The following NUP54 variants were observed in gnomAD, a reference collection of about 807,000 sequenced individuals.
NUP54 encodes nucleoporin 54.
A neutral mutation model predicts 66.4 loss-of-function variants in NUP54; 27 were observed. The ratio of observed to expected loss-of-function variants is 0.41; its 90% CI spans 0.30 to 0.56. The LOEUF (loss-of-function observed/expected upper bound fraction) is 0.56, where lower values mean the gene tolerates loss of function less well. Among genes scored for constraint, NUP54 ranks in the 20% least tolerant of loss-of-function variants. The pLI is 0.34. For missense variants in NUP54, 486 were observed against 596.3 expected (o/e 0.82, Z 1.93); for synonymous variants, 206 against 210.7 (o/e 0.98, Z 0.19).
intron 4 of NUP54, among the ~76,000 whole-genome samples, chr4:76,134,704 CAACT>C (rs1359262504): frequency 2.0e-5 from 3 of 147,902 alleles, no homozygotes; most frequent in Non-Finnish European, 3.0e-5. Context: ...CAAAAATCAC[CAACT>C]AATTATAATT....
At chr4:76,147,642 T>C (rs889737564) in intron 1 of NUP54, 2 of 1,288,076 alleles carry the variant, frequency 1.6e-6, no homozygotes, top group Non-Finnish European at 2.0e-6. Context: ...CACCAAATCC[T>C]GATAGGCGTG....
intron 1 of NUP54, 69 bp from the exon 2 acceptor site, chr4:76,144,542 ATTATT>A (rs1487761312): frequency 5.4e-6 from 6 of 1,101,924 alleles, no homozygotes; most frequent in African/African-American, 1.6e-5. Flanking sequence ...TCTTTTTAAA[ATTATT>A]TTATAATTGC....
At chr4:76,136,124 T>C (rs1257181484) in intron 4 of NUP54, 62 bp downstream of exon 4, 18 of 1,100,732 alleles carry the variant, frequency 1.6e-5, no homozygotes, top group Admixed American at 1.1e-4. Context: ...TTGATATTAA[T>C]CTAAATATAT....
At chr4:76,146,003 T>G (rs1731483463) in intron 1 of NUP54, 1 of 368,578 alleles carries the variant, frequency 2.7e-6, no homozygotes, top group African/African-American at 2.1e-5. Flanking sequence ...ACTGTTGTAA[T>G]TTCTTTTCAT....
intron 9 of NUP54, among the ~76,000 whole-genome samples, chr4:76,122,568 A>G (rs999716120): frequency 1.3e-5 from 2 of 152,246 alleles, no homozygotes; most frequent in South Asian, 2.1e-4. Flanking sequence ...TCTTTAAAAT[A>G]GCTGTTTATA....
chr4:76,147,586 C>T, intron 1 of NUP54: 3 of 1,289,742 alleles, frequency 2.3e-6, no homozygotes, highest in Non-Finnish European at 2.0e-6. Context: ...TAATCCGAAA[C>T]CCCCAAAATT....
intron 3 of NUP54, among the ~76,000 whole-genome samples, chr4:76,142,479 G>A (rs1454156344): frequency 6.6e-6 from 1 of 152,188 alleles, no homozygotes; most frequent in Admixed American, 6.5e-5. Context: ...TTGGAAAAGT[G>A]AAAAGAGCAC....
At chr4:76,129,966 GTTTTTTTTTTTTTT>G (rs775109047) in intron 8 of NUP54, among the ~76,000 whole-genome samples, 3 of 56,860 alleles carry the variant, frequency 5.3e-5, no homozygotes, top group Non-Finnish European at 9.0e-5. Flanking sequence ...AATTATGAAA[GTTTTTTTTTTTTTT>G]TTTTTTTTTT....
chr4:76,131,205 T>C (rs1167528389), intron 7 of NUP54, 25 bp downstream of exon 7: 2 of 1,487,118 alleles, frequency 1.3e-6, no homozygotes, highest in African/African-American at 2.8e-5. Context: ...AGTTCTTAAA[T>C]GAAACAAGAT....
chr4:76,131,038 C>CTTTTTTTTTTTTTTTTTTTTT (rs80137978), intron 7 of NUP54, among the ~76,000 whole-genome samples, 192 bp downstream of exon 7: 1 of 151,454 alleles, frequency 6.6e-6, no homozygotes. Flanking sequence ...TTACCATAAT[C>CTTTTTTTTTTTTTTTTTTTTT]TTTTTTTTTC....
chr4:76,117,156 T>A (rs774930519), intron 11 of NUP54, among the ~76,000 whole-genome samples: 2 of 152,326 alleles, frequency 1.3e-5, no homozygotes, highest in Non-Finnish European at 2.9e-5. Context: ...GTACTTTTCA[T>A]AAGTGAAATC....
At chr4:76,148,234 G>T (rs767430530) in intron 1 of NUP54, 74 bp downstream of exon 1, 1 of 1,042,710 alleles carries the variant, frequency 9.6e-7, no homozygotes, top group Non-Finnish European at 1.3e-6. Flanking sequence ...CCCCAGGTCG[G>T]AGAGTCTCGG....
chr4:76,148,313 G>C lies in NUP54; in HGVS notation c.62C>G (p.Pro21Arg). The C allele has an allele frequency of 6.6e-7, 1 of 1,514,806 alleles. No individual in the cohort carries two copies. Among genetic ancestry groups the C allele is most frequent in the Non-Finnish European group, 8.8e-7 (1 of 1,130,442 alleles). The allele number at this position is 1,514,806 out of a possible 1,614,324, so 93.8% of individuals were successfully genotyped here. The stretch of plus-strand genomic sequence containing the variant: ...GGTCTAGGGGGATCACTCACCCGCG[G>C]GGGCCGCGGTGGCTGCAGCGGTACC... Reference protein sequence around the residue: ...TSGTAAATAAPAGGFGGFGTT... With the variant: ...TSGTAAATAARAGGFGGFGTT... Residue 21 changes from proline to arginine, a missense_variant, in exon 1 of 12, where the codon CCC becomes CGC. By Grantham distance (103) the Pro-to-Arg change is moderately radical. This residue lies in a region of NUP54 where 145 missense variants were observed against 137.1 expected (regional missense o/e 1.06). Transcript: ENST00000264883.
intron 5 of NUP54, among the ~76,000 whole-genome samples, chr4:76,133,109 G>A (rs1211884810): frequency 6.6e-6 from 1 of 150,826 alleles, no homozygotes; most frequent in African/African-American, 2.4e-5. Context: ...TGTTGCCTAG[G>A]CTAGTCTCAA....
chr4:76,145,341 T>G (rs1217895549), intron 1 of NUP54, among the ~76,000 whole-genome samples: 1 of 150,124 alleles, frequency 6.7e-6, no homozygotes, highest in East Asian at 2.0e-4. Flanking sequence ...AAAAAAAAAT[T>G]TATTGGTTTT....
chr4:76,134,387 A>G (rs765071295), intron 4 of NUP54, 25 bp from the exon 5 acceptor site: 6 of 1,571,254 alleles, frequency 3.8e-6, no homozygotes, highest in Admixed American at 1.8e-5. Flanking sequence ...AATAAACAAT[A>G]TAAAAAATAT....
intron 11 of NUP54, 44 bp from the exon 12 acceptor site, chr4:76,115,538 A>C (rs763791546): frequency 6.7e-7 from 1 of 1,501,786 alleles, no homozygotes; most frequent in South Asian, 1.3e-5. Flanking sequence ...TTAATTTCTT[A>C]AAACTGCAAG....
At chr4:76,134,600 A>C (rs1041866548) in intron 4 of NUP54, among the ~76,000 whole-genome samples, 3 of 152,108 alleles carry the variant, frequency 2.0e-5, no homozygotes, top group Non-Finnish European at 4.4e-5. Context: ...CCTCTTTGAG[A>C]GAGTAACTAA....
At chr4:76,130,870 C>G in intron 7 of NUP54, 121 bp from the exon 8 acceptor site, 2 of 678,532 alleles carry the variant, frequency 2.9e-6, no homozygotes, top group Non-Finnish European at 5.2e-6. Context: ...TAAGGCAGAT[C>G]TATGACTATG....
Sources: gnomAD v4.1 joint callset for allele counts (sites outside exome capture counted in the v4.1 genomes callset) on GRCh38, gnomAD v4.1.1 for gene constraint, gnomAD v4.1.1 regional missense constraint, MANE v1.5 for transcripts, NCBI Gene and HGNC (gene_info 2026-07-23, HGNC 2026-07-21) for gene names.